The following AFF3 variants were observed in gnomAD, a reference collection of about 807,000 sequenced individuals.
AFF3 encodes ALF transcription elongation factor 3.
A neutral mutation model predicts 129.7 loss-of-function variants in AFF3; 32 were observed. The ratio of observed to expected loss-of-function variants is 0.25; its 90% CI spans 0.19 to 0.33. The LOEUF (loss-of-function observed/expected upper bound fraction) is 0.33. Ranked by LOEUF, AFF3 falls within the 10% of genes least tolerant of loss-of-function variation. The pLI, the probability that AFF3 is intolerant of heterozygous loss-of-function variation, is 1.00. For missense variants in AFF3, 1,373 were observed against 1,592.0 expected, an observed-to-expected ratio of 0.86 and a Z score of 2.34; for synonymous variants, 644 against 635.4, an observed-to-expected ratio of 1.01 and a Z score of -0.20.
chr2:99,884,894 TG>T (rs1044675609), intron 7 of AFF3, among the ~76,000 whole-genome samples: 4 of 152,180 alleles, frequency 2.6e-5, no homozygotes, highest in Non-Finnish European at 5.9e-5. Flanking sequence ...TCCCTCTACC[TG>T]GGGGATTCAC....
At chr2:100,105,169 C>T (rs1465695846) in intron 3 of AFF3, 1 of 368,170 alleles carries the variant, frequency 2.7e-6, no homozygotes, top group Non-Finnish European at 3.8e-6. Flanking sequence ...CCCGGCCCCG[C>T]CCGGCCTTGC....
intron 8 of AFF3, among the ~76,000 whole-genome samples, chr2:99,786,641 C>T (rs1054294274): frequency 4.6e-5 from 7 of 152,032 alleles, no homozygotes; most frequent in African/African-American, 1.7e-4. Context: ...TACTGAAAAA[C>T]ATTTGTGGGT....
intron 11 of AFF3, among the ~76,000 whole-genome samples, chr2:99,679,858 G>A (rs1674361316): frequency 6.6e-6 from 1 of 152,202 alleles, no homozygotes; most frequent in Non-Finnish European, 1.5e-5. Context: ...TGAATTCCTT[G>A]GTTCTGTGCC....
chr2:99,753,103 A>G (rs776155430), intron 8 of AFF3, among the ~76,000 whole-genome samples: 15 of 152,054 alleles, frequency 9.9e-5, no homozygotes, highest in Middle Eastern at 6.8e-3. Flanking sequence ...TATTATTATT[A>G]TTATTATTAT....
intron 7 of AFF3, among the ~76,000 whole-genome samples, chr2:99,897,674 C>T (rs1219905164): frequency 6.6e-6 from 1 of 152,176 alleles, no homozygotes. Context: ...AGCTCACTGT[C>T]TAGACCACTC....
chr2:99,840,083 T>C (rs1186815279), intron 7 of AFF3, among the ~76,000 whole-genome samples: 4 of 152,258 alleles, frequency 2.6e-5, no homozygotes, highest in Admixed American at 6.5e-5. Context: ...TTAGCAGATA[T>C]ATGATTTACA....
At chr2:99,847,418 G>A (rs2105849271) in intron 7 of AFF3, among the ~76,000 whole-genome samples, 1 of 152,104 alleles carries the variant, frequency 6.6e-6, no homozygotes, top group African/African-American at 2.4e-5. Flanking sequence ...TTTAGTTCGT[G>A]CCTGTAATCC....
intron 7 of AFF3, among the ~76,000 whole-genome samples, chr2:99,970,163 T>C (rs969747394): frequency 4.6e-5 from 7 of 152,196 alleles, no homozygotes; most frequent in Admixed American, 2.0e-4. Context: ...AGTTTTTCTT[T>C]AGGGCATTTA....
intron 8 of AFF3, among the ~76,000 whole-genome samples, chr2:99,813,068 A>C (rs963428029): frequency 6.6e-6 from 1 of 152,206 alleles, no homozygotes; most frequent in Non-Finnish European, 1.5e-5. Flanking sequence ...ATACCGACAC[A>C]GTTTTACAAG....
chr2:99,730,337 C>G (rs1257518905), intron 10 of AFF3, among the ~76,000 whole-genome samples: 4 of 152,204 alleles, frequency 2.6e-5, no homozygotes, highest in South Asian at 4.2e-4. Context: ...CTCTTGTGAG[C>G]ATAAAGATAA....
At chr2:99,608,244 G>C (rs1341189614) in intron 13 of AFF3, among the ~76,000 whole-genome samples, 2 of 151,942 alleles carry the variant, frequency 1.3e-5, no homozygotes, top group African/African-American at 4.8e-5. Context: ...TTTTTCCTTT[G>C]AGTTACTGTT....
At chr2:99,819,819 A>C (rs1687510510) in intron 8 of AFF3, among the ~76,000 whole-genome samples, 1 of 152,178 alleles carries the variant, frequency 6.6e-6, no homozygotes, top group African/African-American at 2.4e-5. Context: ...GGGGAGCCGG[A>C]GCTTCTGCCA....
intron 22 of AFF3, 52 bp downstream of exon 22, chr2:99,558,823 C>A: frequency 2.6e-6 from 4 of 1,567,802 alleles, no homozygotes; most frequent in Non-Finnish European, 3.5e-6. Flanking sequence ...ACAAATTTGA[C>A]AGGGAGACAA....
chr2:99,727,631 G>A (rs1466994870), intron 10 of AFF3, among the ~76,000 whole-genome samples: 4 of 150,044 alleles, frequency 2.7e-5, no homozygotes, highest in Admixed American at 6.7e-5. Flanking sequence ...GCACAATCTC[G>A]GCTCACTGCA....
At chr2:99,914,727 A>G (rs1695345354) in intron 7 of AFF3, among the ~76,000 whole-genome samples, 1 of 151,940 alleles carries the variant, frequency 6.6e-6, no homozygotes, top group South Asian at 2.1e-4. Context: ...CAGCCTGGCC[A>G]AAATGATGAA....
intron 8 of AFF3, among the ~76,000 whole-genome samples, chr2:99,764,701 T>C (rs74454925): frequency 0.024 from 3,657 of 152,266 alleles, 57 homozygotes; most frequent in Non-Finnish European, 0.038. Context: ...ACATTTAGAT[T>C]GGGTCTTCAG....
chr2:99,640,647 A>C (rs957138983), intron 13 of AFF3, among the ~76,000 whole-genome samples: 1 of 151,490 alleles, frequency 6.6e-6, no homozygotes, highest in African/African-American at 2.4e-5. Flanking sequence ...TTGTCTCCTT[A>C]ATCATGACAG....
intron 7 of AFF3, among the ~76,000 whole-genome samples, chr2:99,967,584 G>C (rs918586152): frequency 2.6e-5 from 4 of 152,146 alleles, no homozygotes; most frequent in African/African-American, 7.2e-5. Flanking sequence ...AATGGGCTTT[G>C]GTGAGGGCAT....
In AFF3 at chr2:99,594,173, G is replaced by A. The variant is rs1017935299; in HGVS notation, c.1488C>T (p.Tyr496=). ...GGACGTCCTCTTTCACCGGGTTGTA[G>A]TACTGATTGCTCTCTGACCCGTGGC... ...NESHGSESNQ[Y]YNPVKEDVQD... is the part of the protein sequence containing the mutation. The change falls in exon 15 of 25, where the codon TAC becomes TAT. Residue 496 remains tyrosine (Y), a synonymous_variant. Transcript: ENST00000672756. 9.9e-6 allele frequency: 16 copies of A among 1,614,162 alleles called. No individual in the cohort carries two copies. The highest frequency in any genetic ancestry group is 1.4e-5 in the Non-Finnish European group (16 of 1,180,024).
Sources: gnomAD v4.1 joint callset for allele counts (sites outside exome capture counted in the v4.1 genomes callset) on GRCh38, gnomAD v4.1.1 for gene constraint, MANE v1.5 for transcripts, NCBI Gene and HGNC (gene_info 2026-07-23, HGNC 2026-07-21) for gene names.